Variants in RBFOX1 observed in about 807,000 individuals in gnomAD.
RBFOX1 encodes the protein RNA binding protein fox-1 homolog 1.
A neutral mutation model predicts 57.7 loss-of-function variants in RBFOX1; 8 were observed. The observed-to-expected ratio is 0.14, with a 90% CI of 0.08 to 0.25. The LOEUF (loss-of-function observed/expected upper bound fraction) is 0.25. RBFOX1 is among the 10% of genes least tolerant of loss of function. RBFOX1 has a pLI of 1.00. For synonymous variants in RBFOX1, 326 were observed against 222.4 expected (o/e 1.47, Z -4.15); for missense variants, 611 against 548.5 (o/e 1.11, Z -1.14).
At chr16:7,128,760 G>C (rs1349604465) in intron 4 of RBFOX1, among the ~76,000 whole-genome samples, 1 of 151,460 alleles carries the variant, frequency 6.6e-6, no homozygotes, top group East Asian at 1.9e-4. Flanking sequence ...AACTGGGGAA[G>C]AATCGGAGGC....
chr16:6,860,726 C>T (rs2058840661), intron 3 of RBFOX1, among the ~76,000 whole-genome samples: 1 of 152,132 alleles, frequency 6.6e-6, no homozygotes, highest in South Asian at 2.1e-4. Flanking sequence ...TAAATTAGAT[C>T]TCTGTGTGCC....
At chr16:5,658,723 T>C (rs903959884) in intron 3 of RBFOX1, among the ~76,000 whole-genome samples, 1 of 138,008 alleles carries the variant, frequency 7.2e-6, no homozygotes, top group Non-Finnish European at 1.5e-5. Context: ...CCATCATACA[T>C]ACATACATAT....
At chr16:5,515,884 A>G (rs1410071920) in intron 2 of RBFOX1, among the ~76,000 whole-genome samples, 1 of 152,178 alleles carries the variant, frequency 6.6e-6, no homozygotes, top group Non-Finnish European at 1.5e-5. Flanking sequence ...TTTCTCACCT[A>G]ATCCTCACAG....
chr16:7,156,444 C>T (rs2077157140), intron 4 of RBFOX1, among the ~76,000 whole-genome samples: 1 of 151,836 alleles, frequency 6.6e-6, no homozygotes, highest in African/African-American at 2.4e-5. Context: ...TGTAGATATG[C>T]ATATATGTGT....
At chr16:6,037,522 A>G (rs1279927818) in intron 1 of RBFOX1, 1 of 83,664 alleles carries the variant, frequency 1.2e-5, no homozygotes, top group African/African-American at 3.0e-5. Context: ...TCTATTGGTC[A>G]CTTACAAAAA....
intron 4 of RBFOX1, among the ~76,000 whole-genome samples, chr16:7,488,386 T>C (rs1385079297): frequency 6.6e-6 from 1 of 152,148 alleles, no homozygotes; most frequent in Non-Finnish European, 1.5e-5. Flanking sequence ...TGTACAGATA[T>C]ATATGGACCT....
In RBFOX1 at chr16:5,398,350, T is replaced by C. The variant is rs57570349; in HGVS notation, c.220-68866T>C. On this transcript the variant is annotated intron_variant, in intron 1 of 2. Coordinates refer to the RBFOX1 transcript ENST00000585867. ...ATATGTGTTCATGTGTGCAGGTGTT[T>C]GAGCACCTGTTTTAGTGTGCATGTG... is the stretch of plus-strand genomic sequence containing the variant. Among the ~76,000 whole-genome samples the C allele has an allele frequency of 4.3e-3, 655 of 152,196 alleles. 8 individuals are homozygous for C. The highest frequency in any genetic ancestry group is 0.015 in the African/African-American group (628 of 41,522).
chr16:5,911,975 G>A (rs1455401561), intron 4 of RBFOX1, among the ~76,000 whole-genome samples: 1 of 152,110 alleles, frequency 6.6e-6, no homozygotes, highest in African/African-American at 2.4e-5. Flanking sequence ...GCACCTTCAC[G>A]GGGAGAAATT....
rs57556084 is a variant in RBFOX1, at chr16:6,925,109, G to GTT, written c.-15-126907_-15-126906dup. Among the ~76,000 whole-genome samples the GTT allele has an allele frequency of 2.5e-3, 112 of 45,250 alleles. 19 individuals are homozygous for GTT. The highest frequency in any genetic ancestry group is 6.5e-3 in the African/African-American group (74 of 11,332). 29.7% of individuals were successfully genotyped at this position (45,250 alleles called of 152,430 possible). ...TCGTTGTTGGACATCTAGGTTGTTGGTTTTTTTTTTTTTTTTTTTTTTTTT... is the reference window on the plus strand; with the variant it reads ...TCGTTGTTGGACATCTAGGTTGTTGGTTTTTTTTTTTTTTTTTTTTTTTTTTT... On this transcript the variant is annotated intron_variant, in intron 3 of 15. Transcript: ENST00000550418.
intron 2 of RBFOX1, among the ~76,000 whole-genome samples, chr16:6,540,994 G>C (rs2096807946): frequency 6.6e-6 from 1 of 152,182 alleles, no homozygotes. Flanking sequence ...TTGCAAAGCA[G>C]CACGAAGAGC....
chr16:6,577,984 C>G (rs1420009878), intron 2 of RBFOX1, among the ~76,000 whole-genome samples: 1 of 152,216 alleles, frequency 6.6e-6, no homozygotes, highest in African/African-American at 2.4e-5. Context: ...TAGGAAAGCA[C>G]AGGTTTTGTG....
At chr16:6,425,652 C>A (rs934268144) in intron 2 of RBFOX1, among the ~76,000 whole-genome samples, 2 of 151,900 alleles carry the variant, frequency 1.3e-5, no homozygotes, top group Non-Finnish European at 2.9e-5. Flanking sequence ...GTTTGATGGA[C>A]TTTGTAGGCA....
At chr16:5,874,212 A>G (rs923621060) in intron 4 of RBFOX1, among the ~76,000 whole-genome samples, 7 of 152,172 alleles carry the variant, frequency 4.6e-5, no homozygotes, top group Non-Finnish European at 1.0e-4. Context: ...GAAGGAGAAG[A>G]CACATGGGCC....
intron 3 of RBFOX1, among the ~76,000 whole-genome samples, chr16:7,047,377 C>T (rs1172082852): frequency 1.3e-5 from 2 of 152,048 alleles, no homozygotes; most frequent in African/African-American, 4.8e-5. Flanking sequence ...CTGCTGACCT[C>T]TCTGGATTTT....
At chr16:5,570,504 A>T (rs900716153) in intron 2 of RBFOX1, among the ~76,000 whole-genome samples, 1 of 152,166 alleles carries the variant, frequency 6.6e-6, no homozygotes, top group African/African-American at 2.4e-5. Context: ...ACAGCTGGTC[A>T]GGTCAGGTCA....
At chr16:6,693,790 C>T (rs1395510354) in intron 3 of RBFOX1, among the ~76,000 whole-genome samples, 1 of 151,388 alleles carries the variant, frequency 6.6e-6, no homozygotes, top group African/African-American at 2.5e-5. Flanking sequence ...TCCTCCGCTG[C>T]CATCACCACC....
chr16:7,064,263 G>C, intron 4 of RBFOX1, among the ~76,000 whole-genome samples: 1 of 147,298 alleles, frequency 6.8e-6, no homozygotes, highest in South Asian at 2.2e-4. Flanking sequence ...CCGCCTCCCA[G>C]GTTCAAGTAA....
At chr16:5,908,526 T>C (rs973938877) in intron 4 of RBFOX1, among the ~76,000 whole-genome samples, 5 of 151,958 alleles carry the variant, frequency 3.3e-5, no homozygotes, top group African/African-American at 1.2e-4. Context: ...CTATTTTTTG[T>C]ATTTTTAGTA....
chr16:6,761,971 T>G (rs1181324862), intron 3 of RBFOX1, among the ~76,000 whole-genome samples: 1 of 152,136 alleles, frequency 6.6e-6, no homozygotes. Flanking sequence ...ACAGCCCACT[T>G]ATGCCTGCCT....
Sources: gnomAD v4.1 joint callset for allele counts (sites outside exome capture counted in the v4.1 genomes callset) on GRCh38, gnomAD v4.1.1 for gene constraint, MANE v1.5 for transcripts, NCBI Gene and HGNC (gene_info 2026-07-23, HGNC 2026-07-21) for gene names.